Variants in MSI2 observed in about 807,000 individuals in gnomAD.
MSI2 encodes RNA-binding protein Musashi homolog 2.
MSI2 carries 17 observed loss-of-function variants against 45.6 expected under a neutral mutation model. The ratio of observed to expected loss-of-function variants is 0.37; its 90% confidence interval spans 0.26 to 0.56. The LOEUF (loss-of-function observed/expected upper bound fraction) is 0.56, where lower values mean the gene tolerates loss of function less well. MSI2 is among the 20% of genes least tolerant of loss of function. The pLI is 0.77. For synonymous variants in MSI2, 156 were observed against 158.2 expected (o/e 0.99, Z 0.11); for missense variants, 293 against 444.2 (o/e 0.66, Z 3.06).
intron 5 of MSI2, among the ~76,000 whole-genome samples, chr17:57,308,905 T>C (rs1912139366): frequency 6.6e-6 from 1 of 152,170 alleles, no homozygotes; most frequent in Non-Finnish European, 1.5e-5. Context: ...AGTTGGGCTA[T>C]TTTCTTTTGT....
chr17:57,412,499 C>G (rs2084215654), intron 6 of MSI2, among the ~76,000 whole-genome samples: 1 of 152,134 alleles, frequency 6.6e-6, no homozygotes, highest in Non-Finnish European at 1.5e-5. Context: ...CGTACTTTGC[C>G]TTTAGGAGGA....
chr17:57,285,640 G>A (rs1001271353), intron 5 of MSI2, among the ~76,000 whole-genome samples: 3 of 152,194 alleles, frequency 2.0e-5, no homozygotes, highest in African/African-American at 4.8e-5. Flanking sequence ...TGCCTGGGAA[G>A]CTTCTGTGTT....
chr17:57,333,226 C>T (rs970628993), intron 5 of MSI2, among the ~76,000 whole-genome samples: 1 of 152,060 alleles, frequency 6.6e-6, no homozygotes, highest in East Asian at 1.9e-4. Flanking sequence ...TAGTTAATAC[C>T]AAAGACCCTG....
intron 9 of MSI2, among the ~76,000 whole-genome samples, chr17:57,621,990 G>T (rs148796622): frequency 0.01 from 1,584 of 152,148 alleles, 27 homozygotes; most frequent in African/African-American, 0.037. Flanking sequence ...CTGAGGTCAG[G>T]AGTTAGAGAC....
At chr17:57,504,760 G>A (rs570363073) in intron 6 of MSI2, among the ~76,000 whole-genome samples, 26 of 152,010 alleles carry the variant, frequency 1.7e-4, no homozygotes, top group South Asian at 1.5e-3. Context: ...GTGAAACCCC[G>A]AATCTACTAA....
At chr17:57,663,924 G>C (rs1912190797) in intron 11 of MSI2, among the ~76,000 whole-genome samples, 1 of 152,210 alleles carries the variant, frequency 6.6e-6, no homozygotes, top group African/African-American at 2.4e-5. Context: ...TAAAGCAGCT[G>C]AGAGGCTTGC....
chr17:57,463,404 C>T (rs948502947), intron 6 of MSI2, among the ~76,000 whole-genome samples: 1 of 152,120 alleles, frequency 6.6e-6, no homozygotes, highest in Non-Finnish European at 1.5e-5. Flanking sequence ...GAGAAAGCCA[C>T]CCCCTGTCAA....
chr17:57,312,010 T>C (rs1195575393), intron 5 of MSI2, among the ~76,000 whole-genome samples: 3 of 152,208 alleles, frequency 2.0e-5, no homozygotes, highest in Non-Finnish European at 4.4e-5. Context: ...GTATTGCCTT[T>C]TGATACCTGC....
chr17:57,372,713 A>G (rs8068233), intron 5 of MSI2, among the ~76,000 whole-genome samples: 123,982 of 152,068 alleles, frequency 0.82, 50,602 homozygotes, highest in Middle Eastern at 0.88. Flanking sequence ...AGAAGAAACT[A>G]TAAAAGGGTG....
intron 6 of MSI2, among the ~76,000 whole-genome samples, chr17:57,509,808 C>T (rs981049562): frequency 6.6e-6 from 1 of 152,084 alleles, no homozygotes; most frequent in Non-Finnish European, 1.5e-5. Context: ...TCAGTTGTCT[C>T]TACCACATGA....
chr17:57,613,970 A>G lies in MSI2; in HGVS notation c.538-2000A>G, dbSNP rs533152020. ...TCCCCCTAACCTTGAGCACTAAAATATTTTTTGATTGAAGTATTTGGGATG... is the reference window on the plus strand; with the variant it reads ...TCCCCCTAACCTTGAGCACTAAAATGTTTTTTGATTGAAGTATTTGGGATG... On this transcript the variant is annotated intron_variant, in intron 8 of 13. Transcript: ENST00000284073. Among the ~76,000 whole-genome samples, 4 of 152,292 alleles carry G rather than the reference A, an allele frequency of 2.6e-5. No individual in the cohort carries two copies. In the South Asian group the frequency reaches 8.3e-4, roughly 32 times the overall value.
chr17:57,291,906 C>T lies in MSI2; in HGVS notation c.312+29714C>T, dbSNP rs183345859. On this transcript the variant is annotated intron_variant, in intron 5 of 13. Transcript: ENST00000284073. The stretch of plus-strand genomic sequence containing the variant: ...TGAAGACCCCAGCCTCATTCTCCCC[C>T]GCCATTCTAACTAACCAGGCCAGGC... 1.1e-4 allele frequency among the ~76,000 whole-genome samples: 17 copies of T among 152,254 alleles called. No homozygotes were observed. In the East Asian group the frequency reaches 2.3e-3, roughly 21 times the overall value.
At chr17:57,548,903 C>CCG (rs1422964275) in intron 7 of MSI2, among the ~76,000 whole-genome samples, 2 of 108,604 alleles carry the variant, frequency 1.8e-5, no homozygotes, top group African/African-American at 7.2e-5. Flanking sequence ...ACCCTTCCCC[C>CCG]CCCCACCCCC....
intron 6 of MSI2, among the ~76,000 whole-genome samples, chr17:57,476,016 G>A (rs1356590787): frequency 2.6e-5 from 4 of 152,184 alleles, no homozygotes; most frequent in African/African-American, 9.7e-5. Context: ...GATCTGAATA[G>A]CCTTTAAAAT....
chr17:57,548,071 T>C (rs999978114), intron 7 of MSI2, among the ~76,000 whole-genome samples: 2 of 152,170 alleles, frequency 1.3e-5, no homozygotes, highest in East Asian at 1.9e-4. Flanking sequence ...AGAGATCCCA[T>C]AGATGTGGAC....
At chr17:57,558,856 T>C (rs535361384) in intron 7 of MSI2, among the ~76,000 whole-genome samples, 1 of 151,796 alleles carries the variant, frequency 6.6e-6, no homozygotes, top group African/African-American at 2.4e-5. Flanking sequence ...AGGTCAGGAG[T>C]TCGAGACCAG....
At chr17:57,460,980 A>C (rs1157191193) in intron 6 of MSI2, among the ~76,000 whole-genome samples, 2 of 152,166 alleles carry the variant, frequency 1.3e-5, no homozygotes, top group African/African-American at 4.8e-5. Context: ...CCCTCCTTGC[A>C]GAGGCTGCAG....
At position 57,324,029 on chromosome 17, in the gene MSI2, C is replaced by A. The variant is rs1913572004; in HGVS notation, c.312+61837C>A. ...AAGGATCACACACACAAAAATAAGG[C>A]CAGGTGTGGTGGCCCATGCCTGTAA... On this transcript the variant is annotated intron_variant, in intron 5 of 13. Transcript: ENST00000284073. Among the ~76,000 whole-genome samples, 9 of 152,286 alleles carry A rather than the reference C, an allele frequency of 5.9e-5. No individual in the cohort carries two copies. In the South Asian group the frequency reaches 1.9e-3, roughly 32 times the overall value.
intron 6 of MSI2, among the ~76,000 whole-genome samples, chr17:57,435,370 G>C (rs1238397283): frequency 1.3e-5 from 2 of 152,212 alleles, no homozygotes; most frequent in Non-Finnish European, 2.9e-5. Context: ...GGAAGAGGCA[G>C]ATGGGCCACG....
Sources: gnomAD v4.1 joint callset for allele counts (sites outside exome capture counted in the v4.1 genomes callset) on GRCh38, gnomAD v4.1.1 for gene constraint, MANE v1.5 for transcripts, NCBI Gene and HGNC (gene_info 2026-07-23, HGNC 2026-07-21) for gene names.